TTC4: variants seen among roughly 807,000 people sequenced by gnomAD.
TTC4 encodes the protein hsp70/Hsp90 co-chaperone CNS1 homolog.
A neutral mutation model predicts 51.9 loss-of-function variants in TTC4; 36 were observed. The observed-to-expected ratio is 0.69, with a 90% CI of 0.53 to 0.92. TTC4 has a LOEUF of 0.92. Among genes scored for constraint, TTC4 ranks in the 40% least tolerant of loss-of-function variants. The pLI is 0.00. For missense variants in TTC4, 399 were observed against 454.6 expected (o/e 0.88, Z 1.11); for synonymous variants, 144 against 164.2 (o/e 0.88, Z 0.94).
intron 7 of TTC4, 64 bp downstream of exon 7, chr1:54,731,764 G>C: frequency 6.6e-7 from 1 of 1,507,432 alleles, no homozygotes; most frequent in Admixed American, 1.9e-5. Flanking sequence ...TGTGGCAGGA[G>C]GGACGAGTGG....
chr1:54,733,879 T>A (rs1645902387), intron 8 of TTC4, among the ~76,000 whole-genome samples, 169 bp downstream of exon 8: 1 of 151,872 alleles, frequency 6.6e-6, no homozygotes, highest in Non-Finnish European at 1.5e-5. Context: ...GTCAGTGGCA[T>A]TAAGTACATT....
At chr1:54,723,081 T>C (rs968924999) in intron 5 of TTC4, among the ~76,000 whole-genome samples, 3 of 152,224 alleles carry the variant, frequency 2.0e-5, no homozygotes, top group Non-Finnish European at 4.4e-5. Context: ...CCCATAAGAT[T>C]ATGATGCCAT....
At chr1:54,727,688 C>CAAAAAAAAAA (rs200521894) in intron 5 of TTC4, among the ~76,000 whole-genome samples, 3 of 43,608 alleles carry the variant, frequency 6.9e-5, no homozygotes, top group Non-Finnish European at 2.0e-4. Flanking sequence ...CTCATCTCTA[C>CAAAAAAAAAA]AAAAAAAAAA....
chr1:54,722,751 C>T lies in TTC4; in HGVS notation c.546C>T (p.Ala182=), dbSNP rs201108192. The change falls in exon 5 of 10, where the codon GCC becomes GCT. Residue 182 remains alanine (A), a synonymous_variant. Transcript: ENST00000371281. ...GTGATGAGGGACTGCAAATAGATGC[C>T]AAAGAGAAGAAGCTTCTGGAAATGA... ...NWCDEGLQID[A]KEKKLLEMRA... is the part of the protein sequence containing the mutation. 6.2e-7 allele frequency: 1 copy of T among 1,613,902 alleles called. No individual in the cohort carries two copies. The highest frequency in any genetic ancestry group is 1.7e-5 in the Admixed American group (1 of 60,002).
At chr1:54,735,385 A>T (rs984789530) in intron 8 of TTC4, among the ~76,000 whole-genome samples, 3 of 151,838 alleles carry the variant, frequency 2.0e-5, no homozygotes, top group African/African-American at 7.3e-5. Flanking sequence ...ACGCCCAGCT[A>T]ATTTTTTGTA....
At chr1:54,734,347 T>TC (rs1475904654) in intron 8 of TTC4, among the ~76,000 whole-genome samples, 2 of 151,646 alleles carry the variant, frequency 1.3e-5, no homozygotes, top group African/African-American at 4.9e-5. Context: ...GCTGGGATTA[T>TC]AGGTGTGAGC....
At position 54,736,209 on chromosome 1, in the gene TTC4, AGAGAGAGAG is replaced by A. The variant is rs1344739149; in HGVS notation, c.979-1372_979-1364del. ...GAGAGAGAGAGAGAGAGAGAGAGAG[AGAGAGAGAG>A]AGAGAAGAGGAGAGGAGAGAGAAGA... On this transcript the variant is annotated intron_variant, in intron 8 of 9. Transcript: ENST00000371281. Among the ~76,000 whole-genome samples, 4 of 125,730 alleles carry A rather than the reference AGAGAGAGAG, an allele frequency of 3.2e-5. 1 individual carries two copies. The highest frequency in any genetic ancestry group is 7.4e-5 in the African/African-American group (2 of 27,028). 82.5% of individuals were successfully genotyped at this position (125,730 alleles called of 152,430 possible).
At chr1:54,740,075 T>C (rs1269480833) in intron 9 of TTC4, among the ~76,000 whole-genome samples, 1 of 152,146 alleles carries the variant, frequency 6.6e-6, no homozygotes, top group Non-Finnish European at 1.5e-5. Flanking sequence ...TTTGGGAGGC[T>C]GAGGCAGGAA....
intron 2 of TTC4, 51 bp from the exon 3 acceptor site, chr1:54,717,441 T>C: frequency 7.1e-7 from 1 of 1,412,058 alleles, no homozygotes; most frequent in Non-Finnish European, 9.3e-7. Flanking sequence ...CTATTTTTAA[T>C]GAGCCTTTTA....
rs1645726430 is a variant in TTC4 at position 54,720,167 on chromosome 1, G to T, written c.392-996G>T. On this transcript the variant is annotated intron_variant, in intron 3 of 9. Transcript: ENST00000371281. ...TCCTCTCACCTCGGTCTCCCATAGT[G>T]CTGGGATTGCAGGAGTGAGCCACCT... Among the ~76,000 whole-genome samples, 7 of 152,280 alleles carry T rather than the reference G, an allele frequency of 4.6e-5. No individual in the cohort carries two copies. The South Asian group carries it at 1.5e-3, about 32-fold the overall frequency.
intron 7 of TTC4, among the ~76,000 whole-genome samples, chr1:54,732,316 G>C (rs112906462): frequency 0.056 from 4,225 of 75,834 alleles, 102 homozygotes; most frequent in South Asian, 0.13. Flanking sequence ...GCAAGACTCT[G>C]TCTCAAAAAA....
chr1:54,738,608 C>A (rs1008285465), intron 9 of TTC4, among the ~76,000 whole-genome samples: 9 of 151,212 alleles, frequency 6.0e-5, no homozygotes, highest in African/African-American at 2.2e-4. Context: ...TAGGACTGGT[C>A]TTTGAAGGGA....
chr1:54,731,713 C>T lies in TTC4; in HGVS notation c.896+13C>T, dbSNP rs1380363220. On this transcript the variant is annotated intron_variant, in intron 7 of 9. Transcript: ENST00000371281. ...ATGAGGACTCCAGGTACTGACTTGC[C>T]CAGGAGCCCTCTGCTTTTGCTTGCA... 6.2e-7 allele frequency: 1 copy of T among 1,610,108 alleles called. No homozygotes were observed. Among genetic ancestry groups the T allele is most frequent in the African/African-American group, 1.3e-5 (1 of 74,784 alleles).
intron 6 of TTC4, among the ~76,000 whole-genome samples, chr1:54,730,788 AT>A (rs1267779543): frequency 7.1e-6 from 1 of 140,628 alleles, no homozygotes; most frequent in African/African-American, 2.9e-5. Context: ...AATATTTGAC[AT>A]TTCTTTTTTT....
intron 5 of TTC4, among the ~76,000 whole-genome samples, chr1:54,726,409 A>G (rs532804183): frequency 2.2e-4 from 33 of 152,318 alleles, no homozygotes; most frequent in Non-Finnish European, 2.9e-4. Flanking sequence ...AAAACCATCT[A>G]TATGCAGACA....
intron 3 of TTC4, among the ~76,000 whole-genome samples, chr1:54,719,675 C>T (rs555176329): frequency 2.0e-4 from 30 of 152,282 alleles, no homozygotes; most frequent in African/African-American, 7.0e-4. Flanking sequence ...AAAGTTGCAT[C>T]ATATGGACAT....
chr1:54,727,393 A>G (rs1645813024), intron 5 of TTC4, among the ~76,000 whole-genome samples: 1 of 152,220 alleles, frequency 6.6e-6, no homozygotes, highest in Non-Finnish European at 1.5e-5. Flanking sequence ...AGCTAAGACT[A>G]TACAACTCTT....
In TTC4 at chr1:54,731,586, C is replaced by T. The variant is rs762345490; in HGVS notation, c.782C>T (p.Pro261Leu). ...LFLDGLSTENPHGARLSLDGQ... is the reference protein window; with the variant it reads ...LFLDGLSTENLHGARLSLDGQ... Reference sequence around the variant, plus strand: ...CTGGATGGACTCAGCACTGAGAACCCCCATGGAGCCAGGCTGAGTCTAGAT... The same window carrying T: ...CTGGATGGACTCAGCACTGAGAACCTCCATGGAGCCAGGCTGAGTCTAGAT... The change falls in exon 7 of 10, where the codon CCC (proline) becomes CTC (leucine). Residue 261 changes from proline to leucine, a missense_variant. Pro to Leu is a moderately conservative substitution (Grantham distance 98, BLOSUM62 -3). This residue lies in a region of TTC4 where 316 missense variants were observed against 349.6 expected (regional missense o/e 0.90). Transcript: ENST00000371281. The T allele has an allele frequency of 6.2e-7, 1 of 1,614,064 alleles. No individual in the cohort carries two copies. The highest frequency in any genetic ancestry group is 1.1e-5 in the South Asian group (1 of 91,080).
At chr1:54,728,755 T>C (rs1645830399) in intron 6 of TTC4, among the ~76,000 whole-genome samples, 2 of 152,208 alleles carry the variant, frequency 1.3e-5, no homozygotes, top group Non-Finnish European at 2.9e-5. Context: ...AACACATTTC[T>C]GTTTGTGTCT....
Sources: gnomAD v4.1 joint callset for allele counts (sites outside exome capture counted in the v4.1 genomes callset) on GRCh38, gnomAD v4.1.1 for gene constraint, gnomAD v4.1.1 regional missense constraint, MANE v1.5 for transcripts, NCBI Gene and HGNC (gene_info 2026-07-23, HGNC 2026-07-21) for gene names.